Variants in N4BP2L2 observed in about 807,000 individuals in gnomAD.
N4BP2L2 encodes NEDD4 binding protein 2 like 2.
N4BP2L2 carries 50 observed loss-of-function variants against 56.2 expected under a neutral mutation model. The observed-to-expected ratio is 0.89, with a 90% CI of 0.71 to 1.13. The LOEUF is 1.13. Among genes scored for constraint, N4BP2L2 ranks in the 50% most tolerant of loss-of-function variants. The pLI, the probability that N4BP2L2 is intolerant of heterozygous loss-of-function variation, is 0.00. For missense variants in N4BP2L2, 689 were observed against 693.8 expected (o/e 0.99, Z 0.08); for synonymous variants, 203 against 223.6 (o/e 0.91, Z 0.82).
intron 6 of N4BP2L2, among the ~76,000 whole-genome samples, chr13:32,449,662 A>G (rs890292663): frequency 3.3e-5 from 5 of 152,220 alleles, no homozygotes; most frequent in African/African-American, 1.2e-4. Flanking sequence ...TTATAAATAA[A>G]GCACCTAGCA....
At chr13:32,531,956 CAAA>C (rs1185127496) in intron 2 of N4BP2L2, among the ~76,000 whole-genome samples, 1 of 152,178 alleles carries the variant, frequency 6.6e-6, no homozygotes, top group Non-Finnish European at 1.5e-5. Context: ...CCATCATCTT[CAAA>C]ACCAGCAGTG....
chr13:32,501,133 G>A (rs1054548533), intron 6 of N4BP2L2, among the ~76,000 whole-genome samples: 1 of 152,114 alleles, frequency 6.6e-6, no homozygotes, highest in African/African-American at 2.4e-5. Flanking sequence ...CTCCTAAAGC[G>A]CTGGGCTTAC....
chr13:32,513,217 C>G (rs1172577768), exon 6 of N4BP2L2: 1 of 152,158 alleles, frequency 6.6e-6, no homozygotes. Context: ...TCAAGGTTTG[C>G]TCTGAAACTT....
downstream of N4BP2L2, chr13:32,506,490 C>G (rs1015201544): frequency 2.0e-5 from 3 of 152,148 alleles, no homozygotes; most frequent in Non-Finnish European, 4.4e-5. Flanking sequence ...TCCCAGCCAC[C>G]ATGCTAGCTG....
chr13:32,441,525 A>C (rs2076327870), intron 7 of N4BP2L2, among the ~76,000 whole-genome samples: 1 of 151,272 alleles, frequency 6.6e-6, no homozygotes, highest in Non-Finnish European at 1.5e-5. Context: ...CTCTACTAAT[A>C]ATACAAAAAT....
chr13:32,453,044 C>T (rs1010931842), intron 6 of N4BP2L2, among the ~76,000 whole-genome samples: 3 of 152,186 alleles, frequency 2.0e-5, no homozygotes, highest in African/African-American at 7.2e-5. Context: ...GGATCACCTA[C>T]GGTTGGGAAT....
chr13:32,494,083 C>A (rs983620361), intron 6 of N4BP2L2, among the ~76,000 whole-genome samples: 16 of 151,750 alleles, frequency 1.1e-4, no homozygotes, highest in African/African-American at 3.9e-4. Context: ...GAACAGCCTG[C>A]TAACATGGTG....
intron 6 of N4BP2L2, among the ~76,000 whole-genome samples, chr13:32,501,556 TGTA>T (rs1331533105): frequency 6.6e-6 from 1 of 152,106 alleles, no homozygotes. Flanking sequence ...GGCTCACGCC[TGTA>T]ATCCCAGCAC....
At chr13:32,456,665 C>T (rs2079035019) in intron 6 of N4BP2L2, among the ~76,000 whole-genome samples, 2 of 152,082 alleles carry the variant, frequency 1.3e-5, no homozygotes, top group African/African-American at 2.4e-5. Context: ...ATGAGAAATT[C>T]ACCAGAGATA....
intron 6 of N4BP2L2, among the ~76,000 whole-genome samples, chr13:32,501,890 T>C (rs1424955090): frequency 6.6e-6 from 1 of 151,982 alleles, no homozygotes; most frequent in African/African-American, 2.4e-5. Flanking sequence ...CAACAGTCTA[T>C]GCAACATAGG....
At chr13:32,529,851 G>A (rs2140226903) in intron 2 of N4BP2L2, among the ~76,000 whole-genome samples, 1 of 151,538 alleles carries the variant, frequency 6.6e-6, no homozygotes, top group East Asian at 1.9e-4. Flanking sequence ...TCAGCCTCCT[G>A]AGTAGCTGTG....
exon 6 of N4BP2L2, chr13:32,513,299 T>G (rs1566153787): frequency 6.6e-6 from 1 of 152,178 alleles, no homozygotes; most frequent in African/African-American, 2.4e-5. Context: ...TGAATCAATC[T>G]AAATACTGCT....
intron 6 of N4BP2L2, among the ~76,000 whole-genome samples, chr13:32,458,565 G>A (rs953753825): frequency 1.3e-5 from 2 of 152,072 alleles, no homozygotes; most frequent in South Asian, 2.1e-4. Context: ...ATGACAAATG[G>A]ACTGATTTAG....
chr13:32,501,880 C>T (rs1403458974), intron 6 of N4BP2L2, among the ~76,000 whole-genome samples: 1 of 151,598 alleles, frequency 6.6e-6, no homozygotes, highest in African/African-American at 2.4e-5. Flanking sequence ...TAGATCATAC[C>T]AACAGTCTAT....
chr13:32,535,980 A>G (rs2056452268), exon 2 of N4BP2L2: 1 of 1,613,996 alleles, frequency 6.2e-7, no homozygotes, highest in Middle Eastern at 1.6e-4. Context: ...CCATTTCCAG[A>G]GGGATGAACA....
At chr13:32,476,350 TA>T (rs1316175750) in intron 6 of N4BP2L2, among the ~76,000 whole-genome samples, 2 of 152,158 alleles carry the variant, frequency 1.3e-5, no homozygotes, top group African/African-American at 4.8e-5. Flanking sequence ...TGCTTTTGTC[TA>T]AAAGTGAACA....
intron 6 of N4BP2L2, among the ~76,000 whole-genome samples, chr13:32,492,582 CTTACTT>C (rs2087418866): frequency 6.6e-6 from 1 of 152,056 alleles, no homozygotes; most frequent in South Asian, 2.1e-4. Context: ...ATATGGCAAA[CTTACTT>C]TTTAAGTAAA....
At chr13:32,445,012 G>A (rs945427955) in intron 6 of N4BP2L2, among the ~76,000 whole-genome samples, 6 of 152,212 alleles carry the variant, frequency 3.9e-5, no homozygotes, top group African/African-American at 1.4e-4. Flanking sequence ...ACTTTGGGAA[G>A]CTGAGGTAGG....
intron 6 of N4BP2L2, among the ~76,000 whole-genome samples, chr13:32,481,067 C>T (rs1462419839): frequency 3.2e-5 from 4 of 124,612 alleles, no homozygotes; most frequent in Non-Finnish European, 4.7e-5. Flanking sequence ...TGCAGCGAGC[C>T]GAGATCACAC....
Sources: allele counts gnomAD v4.1 joint callset (sites outside exome capture counted in the v4.1 genomes callset), GRCh38; gene constraint gnomAD v4.1.1; transcripts MANE v1.5; gene names NCBI Gene and HGNC (gene_info 2026-07-23, HGNC 2026-07-21).